The following RAB28 variants were observed in gnomAD, a reference collection of about 807,000 sequenced individuals.
The protein encoded by RAB28 is RAB28, member RAS oncogene family.
In RAB28, 24 loss-of-function variants were observed where a neutral mutation model predicts 31.7. The observed-to-expected ratio is 0.76, with a 90% CI of 0.55 to 1.06. RAB28 has a LOEUF of 1.06. Among genes scored for constraint, RAB28 ranks in the 50% least tolerant of loss-of-function variants. RAB28 has a pLI of 0.00. For missense variants in RAB28, 254 were observed against 258.5 expected, an observed-to-expected ratio of 0.98 and a Z score of 0.12; for synonymous variants, 100 against 90.4, an observed-to-expected ratio of 1.11 and a Z score of -0.60.
chr4:13,372,863 T>C (rs1728767928), intron 6 of RAB28, among the ~76,000 whole-genome samples: 1 of 152,108 alleles, frequency 6.6e-6, no homozygotes, highest in African/African-American at 2.4e-5. Flanking sequence ...AGCATGTCTA[T>C]TACATGCCAA....
At chr4:13,369,759 A>C in intron 6 of RAB28, 4 of 1,025,300 alleles carry the variant, frequency 3.9e-6, no homozygotes, top group Non-Finnish European at 5.2e-6. Flanking sequence ...AACTTCCAAT[A>C]ATGTACAATA....
At chr4:13,418,510 C>T (rs539781794) in intron 4 of RAB28, among the ~76,000 whole-genome samples, 1 of 152,152 alleles carries the variant, frequency 6.6e-6, no homozygotes, top group Non-Finnish European at 1.5e-5. Context: ...AGAGAAAAGT[C>T]GGGTTACTCA....
chr4:13,378,127 A>G (rs1236554203), intron 5 of RAB28, among the ~76,000 whole-genome samples: 2 of 152,196 alleles, frequency 1.3e-5, no homozygotes, highest in African/African-American at 4.8e-5. Flanking sequence ...GCCATTAGGA[A>G]TAAGTGTAGA....
At chr4:13,368,850 T>A (rs1728613033) in intron 6 of RAB28, among the ~76,000 whole-genome samples, 200 bp from the exon 7 acceptor site, 1 of 151,556 alleles carries the variant, frequency 6.6e-6, no homozygotes, top group South Asian at 2.1e-4. Context: ...GAATGGCAAC[T>A]CAGCTACTGA....
chr4:13,464,599 A>G (rs1338351373), intron 3 of RAB28, among the ~76,000 whole-genome samples: 1 of 152,104 alleles, frequency 6.6e-6, no homozygotes. Context: ...GATTTCACCT[A>G]AAGAGTTCTT....
chr4:13,396,659 T>A (rs1022015593), intron 4 of RAB28, among the ~76,000 whole-genome samples: 2 of 152,088 alleles, frequency 1.3e-5, no homozygotes, highest in Non-Finnish European at 2.9e-5. Context: ...TTGTTTCTGG[T>A]ATAAATTTAA....
intron 4 of RAB28, among the ~76,000 whole-genome samples, chr4:13,392,266 C>T (rs1729671905): frequency 6.6e-6 from 1 of 151,980 alleles, no homozygotes; most frequent in South Asian, 2.1e-4. Context: ...TGATGAGTAA[C>T]AGGAAGATTA....
intron 2 of RAB28, 41 bp downstream of exon 2, chr4:13,479,389 T>A (rs1483813489): frequency 6.9e-7 from 1 of 1,441,006 alleles, no homozygotes; most frequent in Non-Finnish European, 9.6e-7. Context: ...TTGTTAAGAT[T>A]TTTTTATAAT....
chr4:13,427,890 C>T (rs1371767567), intron 4 of RAB28, among the ~76,000 whole-genome samples: 2 of 152,174 alleles, frequency 1.3e-5, no homozygotes, highest in African/African-American at 4.8e-5. Context: ...AGTTAAAGAA[C>T]GAAGTGCTTT....
chr4:13,426,705 A>C (rs1713515306), intron 4 of RAB28, among the ~76,000 whole-genome samples: 1 of 152,178 alleles, frequency 6.6e-6, no homozygotes, highest in Non-Finnish European at 1.5e-5. Flanking sequence ...GTCCTCAACA[A>C]GTATTTGCTA....
chr4:13,468,228 C>A (rs1169659950), intron 3 of RAB28, among the ~76,000 whole-genome samples: 1 of 151,922 alleles, frequency 6.6e-6, no homozygotes, highest in Non-Finnish European at 1.5e-5. Context: ...CTGAACAACA[C>A]TAACAATCAA....
At chr4:13,445,841 T>G (rs1407713555) in intron 4 of RAB28, among the ~76,000 whole-genome samples, 1 of 152,232 alleles carries the variant, frequency 6.6e-6, no homozygotes, top group African/African-American at 2.4e-5. Flanking sequence ...GTCAGGGACC[T>G]GCTTGAGGGA....
At chr4:13,436,394 T>A (rs1200815782) in intron 4 of RAB28, among the ~76,000 whole-genome samples, 3 of 152,090 alleles carry the variant, frequency 2.0e-5, no homozygotes, top group Non-Finnish European at 2.9e-5. Flanking sequence ...GGCATCCAAA[T>A]CAGTAAAGAG....
chr4:13,429,219 T>C (rs565108932), intron 4 of RAB28, among the ~76,000 whole-genome samples: 125 of 152,238 alleles, frequency 8.2e-4, no homozygotes, highest in Admixed American at 2.1e-3. Flanking sequence ...AGTGCTGGGA[T>C]TACAGGAATG....
At chr4:13,397,141 G>A (rs944049799) in intron 4 of RAB28, among the ~76,000 whole-genome samples, 1 of 152,006 alleles carries the variant, frequency 6.6e-6, no homozygotes, top group Non-Finnish European at 1.5e-5. Context: ...TACTACACAG[G>A]GCTGAAAATT....
chr4:13,384,372 G>A (rs893266699), intron 4 of RAB28, among the ~76,000 whole-genome samples: 5 of 152,002 alleles, frequency 3.3e-5, no homozygotes, highest in African/African-American at 9.7e-5. Context: ...GTACCCCACC[G>A]TGCTGCTGCT....
chr4:13,459,469 T>G (rs990372035), intron 4 of RAB28, among the ~76,000 whole-genome samples: 3 of 152,204 alleles, frequency 2.0e-5, no homozygotes, highest in Non-Finnish European at 4.4e-5. Flanking sequence ...CATATCCTGT[T>G]GTTAAACAAC....
chr4:13,433,813 T>C (rs1206184156), intron 4 of RAB28, among the ~76,000 whole-genome samples: 1 of 152,034 alleles, frequency 6.6e-6, no homozygotes, highest in Non-Finnish European at 1.5e-5. Flanking sequence ...TGAAGGTATA[T>C]AACTACAGGA....
Position 13,451,289 on chromosome 4 carries a change from T to C in RAB28, c.391+9410A>G, listed in dbSNP as rs1714953829. Reference sequence around the variant, plus strand: ...GCATTTCCCTGATGATTAGTGATGTTGGAACATTTTTTTCATATACTTGTT... The same window carrying C: ...GCATTTCCCTGATGATTAGTGATGTCGGAACATTTTTTTCATATACTTGTT... On this transcript the variant is annotated intron_variant, in intron 4 of 6. Coordinates refer to ENST00000330852, the MANE Select transcript of RAB28 (RefSeq NM_001017979.3). 3.3e-5 allele frequency among the ~76,000 whole-genome samples: 5 copies of C among 152,030 alleles called. No homozygotes were observed. The South Asian group carries it at 1.0e-3, about 32-fold the overall frequency.
Sources: gnomAD v4.1 joint callset for allele counts (sites outside exome capture counted in the v4.1 genomes callset) on GRCh38, gnomAD v4.1.1 for gene constraint, MANE v1.5 for transcripts, NCBI Gene and HGNC (gene_info 2026-07-23, HGNC 2026-07-21) for gene names.